STRADA: variants seen among roughly 807,000 people sequenced by gnomAD.
STRADA encodes the protein STE20 related adaptor alpha, also known as STE20-related kinase adapter protein alpha.
STRADA carries 26 observed loss-of-function variants against 55.0 expected under a neutral mutation model. The ratio of observed to expected loss-of-function variants is 0.47; its 90% CI spans 0.35 to 0.66. The LOEUF is 0.66. Among genes scored for constraint, STRADA ranks in the 30% least tolerant of loss-of-function variants. The pLI is 0.01. For synonymous variants in STRADA, 197 were observed against 210.9 expected (o/e 0.93, Z 0.57); for missense variants, 443 against 549.7 (o/e 0.81, Z 1.94).
chr17:63,708,480 C>T lies in STRADA; in HGVS notation c.582-1062G>A, dbSNP rs1369606486. Among the ~76,000 whole-genome samples, 4 of 151,964 alleles carry T rather than the reference C, an allele frequency of 2.6e-5. No homozygotes were observed. In the East Asian group the frequency reaches 7.7e-4, roughly 29 times the overall value. On this transcript the variant is annotated intron_variant, in intron 8 of 12. Coordinates refer to ENST00000336174, the MANE Select transcript of STRADA (RefSeq NM_001003787.4). ...CCCAAAGTGCTGCCACTGCATCCAG[C>T]TATAACTATGTTTTAATGAAAAACT...
Position 63,704,535 on chromosome 17 carries a change from G to C in STRADA, c.906C>G (p.Thr302=), listed in dbSNP as rs769128769. The C allele has an allele frequency of 6.3e-7, 1 of 1,580,398 alleles. No individual in the cohort carries two copies. The highest frequency in any genetic ancestry group is 8.6e-7 in the Non-Finnish European group (1 of 1,161,736). The change falls in exon 11 of 13, where the codon ACC becomes ACG. Residue 302 remains threonine, a synonymous_variant. Coordinates refer to ENST00000336174, the MANE Select transcript of STRADA (RefSeq NM_001003787.4). ...LNGTVPCLLD[T]STIPAEELTM... ...TCAGCTCCTCAGCGGGGATGGTGCT[G>C]GTATCCAACAGGCAGGGCACTGTGC...
chr17:63,723,469 C>T (rs992364822), intron 3 of STRADA, 143 bp from the exon 4 acceptor site: 1 of 835,122 alleles, frequency 1.2e-6, no homozygotes, highest in Non-Finnish European at 2.0e-6. Context: ...GCCTGCGGGG[C>T]TACATATAAA....
intron 1 of STRADA, among the ~76,000 whole-genome samples, chr17:63,740,107 T>TATATATATATATATATACACACAC (rs1309095081): frequency 1.0e-4 from 5 of 49,650 alleles, no homozygotes; most frequent in African/African-American, 1.9e-4. Flanking sequence ...TATATATATA[T>TATATATATATATATATACACACAC]ACATACATAC....
rs77344145 is a variant in STRADA at position 63,704,623 on chromosome 17, G to T, written c.859-41C>A. On this transcript the variant is annotated intron_variant, in intron 10 of 12. Coordinates refer to ENST00000336174, the MANE Select transcript of STRADA (RefSeq NM_001003787.4). ...CCAGGACCTGGGCTGTAGCGGGTGG[G>T]GGGGGGGGGTGGTCCCTGGAAGGCC... The T allele has an allele frequency of 2.8e-4, 312 of 1,121,820 alleles. 1 individual carries two copies. Among genetic ancestry groups the T allele is most frequent in the East Asian group, 5.6e-4 (16 of 28,568 alleles). 69.5% of individuals were successfully genotyped at this position (1,121,820 alleles called of 1,614,324 possible). A position where few individuals can be genotyped will look rare whatever the true frequency, so the allele number is the denominator to read the frequency against.
chr17:63,740,143 TATATACACACACACACAC>T (rs1352291388), intron 1 of STRADA, among the ~76,000 whole-genome samples: 4 of 46,606 alleles, frequency 8.6e-5, no homozygotes, highest in Admixed American at 2.9e-4. Context: ...TACATATATA[TATATACACACACACACAC>T]ACACACACAC....
In STRADA at chr17:63,703,401, C is replaced by CT; in HGVS notation, c.*197dup. The CT allele has an allele frequency of 3.5e-6, 2 of 579,130 alleles. No homozygotes were observed. Among genetic ancestry groups the CT allele is most frequent in the South Asian group, 4.3e-5 (2 of 46,408 alleles). The allele number at this position is 579,130 out of a possible 1,614,324, so 35.9% of individuals were successfully genotyped here. A position where few individuals can be genotyped will look rare whatever the true frequency, so the allele number is the denominator to read the frequency against. ...CCTGATCCCTGGTTGTTGAGATTCCCTTGTGTCTCAAAAGCCTTGGAGCAG... is the reference window on the plus strand; with the variant it reads ...CCTGATCCCTGGTTGTTGAGATTCCCTTTGTGTCTCAAAAGCCTTGGAGCAG... On this transcript the variant is annotated 3_prime_UTR_variant, in exon 13 of 13. Transcript: ENST00000336174.
chr17:63,705,808 A>G (rs2036048775), intron 10 of STRADA: 1 of 152,218 alleles, frequency 6.6e-6, no homozygotes, highest in Admixed American at 6.6e-5. Flanking sequence ...GTCTGCCGAG[A>G]AGAGTGTCCT....
rs939322609 is a variant in STRADA, at chr17:63,706,705, T to C, written c.788A>G (p.Tyr263Cys). 2 of 1,614,056 alleles carry C rather than the reference T, an allele frequency of 1.2e-6. No homozygotes were observed. Among genetic ancestry groups the C allele is most frequent in the Non-Finnish European group, 1.7e-6 (2 of 1,179,926 alleles). Residue 263 changes from tyrosine to cysteine, a missense_variant, in exon 10 of 13, where the codon TAC (tyrosine) becomes TGC (cysteine). Transcript: ENST00000336174. Reference sequence around the variant, plus strand: ...TTCACAGGCTGTGATTCCCACACTGTAGATGTCAGACTTGGCATCATAACC... The same window carrying C: ...TTCACAGGCTGTGATTCCCACACTGCAGATGTCAGACTTGGCATCATAACC... ...LQGYDAKSDI[Y>C]SVGITACELA...
At chr17:63,732,294 C>T (rs753430471) in intron 1 of STRADA, among the ~76,000 whole-genome samples, 2 of 152,090 alleles carry the variant, frequency 1.3e-5, no homozygotes, top group Non-Finnish European at 1.5e-5. Context: ...TGTCAGCTAC[C>T]GCACCTGGCC....
In STRADA at chr17:63,711,657, G is replaced by A. The variant is rs144475982; in HGVS notation, c.349-821C>T. Among the ~76,000 whole-genome samples, 116 of 151,968 alleles carry A rather than the reference G, an allele frequency of 7.6e-4. 2 individuals are homozygous for A. Among genetic ancestry groups the A allele is most frequent in the African/African-American group, 2.1e-3 (89 of 41,528 alleles). On this transcript the variant is annotated intron_variant, in intron 6 of 12. Transcript: ENST00000336174. The stretch of plus-strand genomic sequence containing the variant: ...TTCTATTATAAAAGAAAACATGGCC[G>A]GGCATGGTGGCTCACGCCTGTAATC...
In STRADA at chr17:63,703,502, A is replaced by G. The variant is rs1163193966; in HGVS notation, c.*97T>C. 1.8e-5 allele frequency: 21 copies of G among 1,198,258 alleles called. No individual in the cohort carries two copies. Among genetic ancestry groups the G allele is most frequent in the Non-Finnish European group, 2.3e-5 (20 of 863,126 alleles). 74.2% of individuals were successfully genotyped at this position (1,198,258 alleles called of 1,614,324 possible). ...CCTGGAAGAATGTCCTTTCTACCCA[A>G]TCTGCCCAGGAGGGCGGGAATGTGG... On this transcript the variant is annotated 3_prime_UTR_variant, in exon 13 of 13. Coordinates refer to ENST00000336174, the MANE Select transcript of STRADA (RefSeq NM_001003787.4).
At chr17:63,730,126 G>A (rs1431786185) in intron 1 of STRADA, among the ~76,000 whole-genome samples, 2 of 152,250 alleles carry the variant, frequency 1.3e-5, no homozygotes, top group African/African-American at 4.8e-5. Context: ...ATGAGCCACT[G>A]TGCCCAGACA....
At chr17:63,707,900 T>TTG (rs1313540207) in intron 8 of STRADA, among the ~76,000 whole-genome samples, 1 of 150,914 alleles carries the variant, frequency 6.6e-6, no homozygotes, top group Admixed American at 6.6e-5. Flanking sequence ...CCGGCTAATT[T>TTG]TTTTTTTTTT....
chr17:63,722,433 A>G (rs2037377269), intron 4 of STRADA, among the ~76,000 whole-genome samples: 1 of 152,258 alleles, frequency 6.6e-6, no homozygotes, highest in Admixed American at 6.5e-5. Flanking sequence ...TTGGCATCGT[A>G]TTCTAGAAAA....
At chr17:63,715,371 C>T (rs2036795343) in intron 4 of STRADA, 1 of 152,200 alleles carries the variant, frequency 6.6e-6, no homozygotes, top group Non-Finnish European at 1.5e-5. Context: ...GAGTACATGG[C>T]ACAGGACCCA....
At chr17:63,741,876 G>A (rs376963363), upstream of STRADA, 3 of 152,362 alleles carry the variant, frequency 2.0e-5, no homozygotes, top group Non-Finnish European at 4.4e-5. Flanking sequence ...CGGGAGGACT[G>A]ATAGAGCGCT....
At position 63,707,268 on chromosome 17, in the gene STRADA, G is replaced by A. The variant is rs1486764668; in HGVS notation, c.732C>T (p.Leu244=). ...AGACCTGCTGGAGGACCTCGGGGCTGAGCCACGGCAGAACCTTGACACTGT... is the reference window on the plus strand; with the variant it reads ...AGACCTGCTGGAGGACCTCGGGGCTAAGCCACGGCAGAACCTTGACACTGT... ...PKYSVKVLPW[L]SPEVLQQNLQ... is the part of the protein sequence containing the mutation. Residue 244 remains leucine, a synonymous_variant, in exon 9 of 13, where the codon CTC becomes CTT. Coordinates refer to ENST00000336174, the MANE Select transcript of STRADA (RefSeq NM_001003787.4). 3 of 1,614,194 alleles carry A rather than the reference G, an allele frequency of 1.9e-6. No homozygotes were observed. Among genetic ancestry groups the A allele is most frequent in the Non-Finnish European group, 2.5e-6 (3 of 1,180,024 alleles).
Position 63,728,396 on chromosome 17 carries a change from A to G in STRADA, c.-27T>C, listed in dbSNP as rs772153347. 29 of 1,591,152 alleles carry G rather than the reference A, an allele frequency of 1.8e-5. No homozygotes were observed. Among genetic ancestry groups the G allele is most frequent in the Non-Finnish European group, 2.5e-5 (29 of 1,170,812 alleles). On this transcript the variant is annotated 5_prime_UTR_variant, in exon 2 of 13. Coordinates refer to ENST00000336174, the MANE Select transcript of STRADA (RefSeq NM_001003787.4). ...AGTTCCTACTGTGTAGGCCTACTTCAGTTTCAAAAACTTAAACCTAAAAGG... is the reference window on the plus strand; with the variant it reads ...AGTTCCTACTGTGTAGGCCTACTTCGGTTTCAAAAACTTAAACCTAAAAGG...
At chr17:63,710,908 G>C in intron 6 of STRADA, 72 bp from the exon 7 acceptor site, 1 of 1,392,750 alleles carries the variant, frequency 7.2e-7, no homozygotes, top group Non-Finnish European at 1.0e-6. Context: ...AAAGATGGCA[G>C]CATGGACAAT....
Sources: allele counts gnomAD v4.1 joint callset (sites outside exome capture counted in the v4.1 genomes callset), GRCh38; gene constraint gnomAD v4.1.1; transcripts MANE v1.5; gene names NCBI Gene and HGNC (gene_info 2026-07-23, HGNC 2026-07-21).